The following TSKU variants were observed in gnomAD, a reference collection of about 807,000 sequenced individuals.
TSKU encodes tsukushi.
Under a neutral mutation model 11.2 loss-of-function variants are expected in TSKU, and 4 were observed. The ratio of observed to expected loss-of-function variants is 0.36; its 90% confidence interval spans 0.18 to 0.82. The LOEUF is 0.82. Among genes scored for constraint, TSKU ranks in the 40% least tolerant of loss-of-function variants. The pLI, the probability that TSKU is intolerant of heterozygous loss-of-function variation, is 0.50. For synonymous variants in TSKU, 220 were observed against 232.2 expected (o/e 0.95, Z 0.48); for missense variants, 407 against 482.5 (o/e 0.84, Z 1.47).
At chr11:76,791,107 C>A (rs753017994) in intron 1 of TSKU, among the ~76,000 whole-genome samples, 5 of 152,076 alleles carry the variant, frequency 3.3e-5, no homozygotes, top group Non-Finnish European at 7.3e-5. Flanking sequence ...TTGCTCCTGC[C>A]CTAGAGATTT....
At position 76,796,357 on chromosome 11, in the gene TSKU, CA is replaced by C; in HGVS notation, c.742del (p.Ser248ValfsTer31). ...TGCAGAGGCTCCCTGAGCTGGCGCC[CA>C]GTGGCTTCCGTGAGCTACCGGGCCT... ...SLQRLPELAP[S>X]GFRELPGLQV... On this transcript the variant is annotated frameshift_variant, in exon 2 of 2. Transcript: ENST00000333090. LOFTEE classifies it high-confidence loss of function. This position sits in a 1 kb window ranked among gnomAD's most constrained non-coding sequence, Gnocchi z 4.1. The C allele has an allele frequency of 1.2e-6, 2 of 1,613,326 alleles. No homozygotes were observed. Among genetic ancestry groups the C allele is most frequent in the Non-Finnish European group, 1.7e-6 (2 of 1,179,998 alleles).
At chr11:76,792,938 T>C (rs577515288) in intron 1 of TSKU, among the ~76,000 whole-genome samples, 1 of 152,242 alleles carries the variant, frequency 6.6e-6, no homozygotes, top group Non-Finnish European at 1.5e-5. Context: ...GTTTCTCTGC[T>C]CTAAAATGGG....
intron 1 of TSKU, among the ~76,000 whole-genome samples, chr11:76,785,483 T>G (rs1207440080): frequency 1.3e-5 from 2 of 152,202 alleles, no homozygotes; most frequent in Non-Finnish European, 2.9e-5. Context: ...CTCATGGTTT[T>G]GAAGTCAGTG....
chr11:76,787,906 G>T (rs995725093), intron 1 of TSKU, among the ~76,000 whole-genome samples: 2 of 152,172 alleles, frequency 1.3e-5, no homozygotes, highest in African/African-American at 4.8e-5. Flanking sequence ...GCAAAATAGG[G>T]ACAGTATCCC....
intron 1 of TSKU, among the ~76,000 whole-genome samples, chr11:76,786,979 T>C (rs1192810537): frequency 6.6e-6 from 1 of 152,188 alleles, no homozygotes; most frequent in Non-Finnish European, 1.5e-5. Context: ...TTTTCTTCCC[T>C]GGTCCCTGAA....
At chr11:76,793,696 C>G (rs1375373481) in intron 1 of TSKU, among the ~76,000 whole-genome samples, 2 of 152,084 alleles carry the variant, frequency 1.3e-5, no homozygotes, top group Non-Finnish European at 2.9e-5. Context: ...TAATATTTTC[C>G]TTTTGGTTCC....
intron 1 of TSKU, among the ~76,000 whole-genome samples, chr11:76,788,634 C>CT (rs745614030): frequency 6.6e-6 from 1 of 152,190 alleles, no homozygotes; most frequent in Non-Finnish European, 1.5e-5. Flanking sequence ...TCATTTAATC[C>CT]TTTCAACAAA....
In TSKU at chr11:76,795,917, C is replaced by T. The variant is rs1013790369; in HGVS notation, c.301C>T (p.Pro101Ser). The T allele has an allele frequency of 1.2e-6, 2 of 1,613,994 alleles. No individual in the cohort carries two copies. The highest frequency in any genetic ancestry group is 8.5e-7 in the Non-Finnish European group (1 of 1,180,044). Reference protein sequence around the residue: ...LSHNLLTSISPTAFSRLRYLE... With the variant: ...LSHNLLTSISSTAFSRLRYLE... ...CCACAACCTGCTCACCAGCATCTCA[C>T]CCACTGCCTTCTCCCGCCTTCGCTA... The change falls in exon 2 of 2, where the codon CCC (proline) becomes TCC (serine). Residue 101 changes from proline (P) to serine (S), a missense_variant. By Grantham distance (74) the Pro-to-Ser change is moderately conservative. Coordinates refer to ENST00000333090, the MANE Select transcript of TSKU (RefSeq NM_015516.4).
chr11:76,784,148 A>AGTGCG (rs1426536916), intron 1 of TSKU: 2 of 152,488 alleles, frequency 1.3e-5, no homozygotes, highest in East Asian at 3.9e-4. Context: ...ACTCCCCCTC[A>AGTGCG]GACCCCGGCT....
chr11:76,786,318 T>C (rs1375645731), intron 1 of TSKU, among the ~76,000 whole-genome samples: 1 of 152,178 alleles, frequency 6.6e-6, no homozygotes, highest in African/African-American at 2.4e-5. Context: ...GCTCACAGGA[T>C]GGGTGGCCTT....
intron 1 of TSKU, 35 bp from the exon 2 acceptor site, chr11:76,795,574 G>T: frequency 6.3e-7 from 1 of 1,586,872 alleles, no homozygotes; most frequent in Non-Finnish European, 8.5e-7. Context: ...AGACCATCTG[G>T]TGCATTCATT....
rs764724433 is a variant in TSKU, at chr11:76,795,853, G to A, written c.237G>A (p.Ala79=). 16 of 1,613,754 alleles carry A rather than the reference G, an allele frequency of 9.9e-6. No individual in the cohort carries two copies. Among genetic ancestry groups the A allele is most frequent in the African/African-American group, 5.3e-5 (4 of 74,876 alleles). ...AGATGGTGAATGAGTCGGTGTTGGC[G>A]GGGCCGGGCTACACGACGTTGGCTG... is the stretch of plus-strand genomic sequence containing the variant. The part of the protein sequence containing the change: ...RLEMVNESVL[A]GPGYTTLAGL... The change falls in exon 2 of 2, where the codon GCG becomes GCA. Residue 79 remains alanine (A), a synonymous_variant. Coordinates refer to ENST00000333090, the MANE Select transcript of TSKU (RefSeq NM_015516.4).
intron 1 of TSKU, among the ~76,000 whole-genome samples, chr11:76,794,232 G>A (rs1944411983): frequency 6.6e-6 from 1 of 152,230 alleles, no homozygotes; most frequent in South Asian, 2.1e-4. Context: ...GCACCACTGA[G>A]CACCACCATC....
At position 76,796,358 on chromosome 11, in the gene TSKU, A is replaced by C. The variant is rs1220518841; in HGVS notation, c.742A>C (p.Ser248Arg). The C allele has an allele frequency of 1.9e-6, 3 of 1,613,178 alleles. No homozygotes were observed. Among genetic ancestry groups the C allele is most frequent in the Non-Finnish European group, 2.5e-6 (3 of 1,180,002 alleles). The change falls in exon 2 of 2, where the codon AGT (serine) becomes CGT (arginine). Residue 248 changes from serine (S) to arginine (R), a missense_variant. By Grantham distance (110) the Ser-to-Arg change is moderately radical. Transcript: ENST00000333090. This position sits in a 1 kb window ranked among gnomAD's most constrained non-coding sequence, Gnocchi z 4.1. ...GCAGAGGCTCCCTGAGCTGGCGCCC[A>C]GTGGCTTCCGTGAGCTACCGGGCCT... ...SLQRLPELAP[S>R]GFRELPGLQV...
intron 1 of TSKU, among the ~76,000 whole-genome samples, chr11:76,787,586 G>A (rs1043665705): frequency 1.3e-5 from 2 of 152,186 alleles, no homozygotes; most frequent in Non-Finnish European, 2.9e-5. Flanking sequence ...TGGTAGTTGA[G>A]GAAGCATGGG....
intron 1 of TSKU, among the ~76,000 whole-genome samples, chr11:76,787,089 C>T (rs1149615): frequency 0.15 from 22,583 of 152,090 alleles, 2,084 homozygotes; most frequent in East Asian, 0.41. Flanking sequence ...CACAGTGACC[C>T]GTTAGGACCA....
intron 1 of TSKU, among the ~76,000 whole-genome samples, chr11:76,788,512 C>T (rs1357538807): frequency 6.6e-6 from 1 of 152,164 alleles, no homozygotes; most frequent in Non-Finnish European, 1.5e-5. Flanking sequence ...TGGGGAGGAA[C>T]ATGAAGGATC....
chr11:76,795,610 C>T lies in TSKU; in HGVS notation c.-7C>T, dbSNP rs368886326. The T allele has an allele frequency of 1.3e-5, 21 of 1,607,600 alleles. No individual in the cohort carries two copies. Among genetic ancestry groups the T allele is most frequent in the Non-Finnish European group, 1.8e-5 (21 of 1,179,352 alleles). ...CCTCACCTGTGGCTCTCTTTCTAGC[C>T]CCCACCATGCCGTGGCCCCTGCTGC... On this transcript the variant is annotated splice_region_variant and 5_prime_UTR_variant, in exon 2 of 2. Coordinates refer to ENST00000333090, the MANE Select transcript of TSKU (RefSeq NM_015516.4).
In TSKU at chr11:76,796,910, C is replaced by T. The variant is rs78045933; in HGVS notation, c.*232C>T. Reference sequence around the variant, plus strand: ...CCCCAAACCATGAGCAGAGGGACTTCGATGCCAAACCAGACTCGGGTCCCC... The same window carrying T: ...CCCCAAACCATGAGCAGAGGGACTTTGATGCCAAACCAGACTCGGGTCCCC... On this transcript the variant is annotated 3_prime_UTR_variant, in exon 2 of 2. Transcript: ENST00000333090. The surrounding 1 kb of genome is among the most constrained non-coding windows in gnomAD (Gnocchi z 4.1). 1.9e-3 allele frequency: 766 copies of T among 392,980 alleles called. 2 individuals are homozygous for T. Among genetic ancestry groups the T allele is most frequent in the African/African-American group, 0.011 (517 of 48,382 alleles). 24.3% of individuals were successfully genotyped at this position (392,980 alleles called of 1,614,324 possible).
Sources: allele counts gnomAD v4.1 joint callset (sites outside exome capture counted in the v4.1 genomes callset), GRCh38; gene constraint gnomAD v4.1.1; non-coding constraint Gnocchi (gnomAD v3.1); transcripts MANE v1.5; gene names NCBI Gene and HGNC (gene_info 2026-07-23, HGNC 2026-07-21).